The following EMB variants were observed in gnomAD, a reference collection of about 807,000 sequenced individuals.
EMB encodes embigin homolog.
A neutral mutation model predicts 41.4 loss-of-function variants in EMB; 31 were observed. That is an observed-to-expected ratio of 0.75 (90% CI 0.56 to 1.01). The LOEUF (loss-of-function observed/expected upper bound fraction) is 1.01. EMB is among the 50% of genes least tolerant of loss of function. The pLI is 0.00. For synonymous variants in EMB, 137 were observed against 140.4 expected (o/e 0.98, Z 0.17); for missense variants, 379 against 388.3 (o/e 0.98, Z 0.20).
chr5:50,441,297 G>A (rs1213133697), upstream of EMB: 6 of 425,488 alleles, frequency 1.4e-5, no homozygotes, highest in Non-Finnish European at 2.4e-5. Flanking sequence ...AGGCGGAATG[G>A]GAGGGGCCCG....
chr5:50,431,415 T>C (rs1416195277), intron 1 of EMB, among the ~76,000 whole-genome samples: 1 of 152,148 alleles, frequency 6.6e-6, no homozygotes, highest in Non-Finnish European at 1.5e-5. Flanking sequence ...TAAAGGAAAT[T>C]GGCAGGAGAC....
At chr5:50,428,701 G>C (rs1338073771) in intron 1 of EMB, 4 of 985,116 alleles carry the variant, frequency 4.1e-6, no homozygotes, top group Non-Finnish European at 4.8e-6. Flanking sequence ...TGGCTGACGG[G>C]CCAGTTTGGG....
At chr5:50,408,721 C>T (rs1745286069) in intron 4 of EMB, among the ~76,000 whole-genome samples, 1 of 151,942 alleles carries the variant, frequency 6.6e-6, no homozygotes, top group Non-Finnish European at 1.5e-5. Flanking sequence ...TAGGAAAAAC[C>T]ATTAAGTAAA....
Position 50,403,293 on chromosome 5 carries a change from C to G in EMB, c.762G>C (p.Val254=). The change falls in exon 6 of 9, where the codon GTG becomes GTC. Residue 254 remains valine, a synonymous_variant. Transcript: ENST00000303221. Reference sequence around the variant, plus strand: ...GTTTGAGGGGCACCAAATAGCTCAGCACCACAAGCTCAATGTGTTCTTCAC... The same window carrying G: ...GTTTGAGGGGCACCAAATAGCTCAGGACCACAAGCTCAATGTGTTCTTCAC... ...GESEEHIELV[V]LSYLVPLKPF... is the part of the protein sequence containing the mutation. 1 of 1,612,850 alleles carries G rather than the reference C, an allele frequency of 6.2e-7. No individual in the cohort carries two copies. The highest frequency in any genetic ancestry group is 1.1e-5 in the South Asian group (1 of 91,052).
intron 2 of EMB, among the ~76,000 whole-genome samples, chr5:50,416,118 A>G (rs1215593167): frequency 2.0e-5 from 3 of 152,190 alleles, no homozygotes; most frequent in Non-Finnish European, 4.4e-5. Flanking sequence ...CATCAAAAAC[A>G]TGCAAAAAGC....
In EMB at chr5:50,411,220, T is replaced by A. The variant is rs780266097; in HGVS notation, c.360A>T (p.Gly120=). The A allele has an allele frequency of 4.3e-6, 7 of 1,611,892 alleles. No individual in the cohort carries two copies. Among genetic ancestry groups the A allele is most frequent in the African/African-American group, 2.7e-5 (2 of 74,858 alleles). ...ACCTGTATTGGGTATACAAGGTGCT[T>A]CCTGTTGCACTGACAAGATAATTAT... ...LENNYLVSAT[G]STLYTQYRFT... is the part of the protein sequence containing the mutation. Residue 120 remains glycine, a synonymous_variant, in exon 3 of 9, where the codon GGA becomes GGT. Transcript: ENST00000303221.
Position 50,403,430 on chromosome 5 carries a change from T to C in EMB, c.625A>G (p.Lys209Glu), listed in dbSNP as rs750425001. 46 of 1,612,210 alleles carry C rather than the reference T, an allele frequency of 2.9e-5. No individual in the cohort carries two copies. Among genetic ancestry groups the C allele is most frequent in the African/African-American group, 4.0e-5 (3 of 74,784 alleles). ...VKVPVGVQMN[K>E]YVINGTYANE... is the part of the protein sequence containing the mutation. ...GCATATGTTCCATTGATCACATATT[T>C]ATTCATTTGAACACCAACAGGAACC... is the stretch of plus-strand genomic sequence containing the variant. Residue 209 changes from lysine (K) to glutamate (E), a missense_variant, in exon 6 of 9, where the codon AAA becomes GAA. By Grantham distance (56) the Lys-to-Glu change is moderately conservative. Transcript: ENST00000303221.
At chr5:50,428,867 CTTTA>C (rs1192416600) in intron 1 of EMB, 5 of 288,074 alleles carry the variant, frequency 1.7e-5, no homozygotes, top group African/African-American at 2.3e-5. Flanking sequence ...TTCGAAGTTA[CTTTA>C]TTTATTTTAT....
At chr5:50,423,110 A>C (rs1190934179) in intron 2 of EMB, among the ~76,000 whole-genome samples, 1 of 152,146 alleles carries the variant, frequency 6.6e-6, no homozygotes, top group Non-Finnish European at 1.5e-5. Flanking sequence ...TTAAAAAAAA[A>C]AAAAGCTAGA....
chr5:50,437,058 C>G (rs1745815596), intron 1 of EMB, among the ~76,000 whole-genome samples: 1 of 152,082 alleles, frequency 6.6e-6, no homozygotes, highest in South Asian at 2.1e-4. Context: ...ATCGCTTGAG[C>G]CTAGGAGTTC....
chr5:50,433,617 A>T (rs1361746973), intron 1 of EMB, among the ~76,000 whole-genome samples: 2 of 152,222 alleles, frequency 1.3e-5, no homozygotes, highest in African/African-American at 4.8e-5. Context: ...GCCCCGCAGG[A>T]GACATTTGGC....
At chr5:50,437,673 A>AAG (rs1745827116) in intron 1 of EMB, among the ~76,000 whole-genome samples, 1 of 120,156 alleles carries the variant, frequency 8.3e-6, no homozygotes, top group Admixed American at 8.1e-5. Context: ...TGGACTAACA[A>AAG]TGTCAGACAT....
At chr5:50,404,939 A>G (rs933719301) in intron 5 of EMB, among the ~76,000 whole-genome samples, 3 of 151,804 alleles carry the variant, frequency 2.0e-5, no homozygotes, top group African/African-American at 4.8e-5. Context: ...ATTTCATTGT[A>G]ACATCTACAC....
In EMB at chr5:50,432,564, A is replaced by G. The variant is rs534872829; in HGVS notation, c.113-4337T>C. ...CATGATATGGTTAAAACTTAGCTTT[A>G]AAATACCTAATTACTAAGTAAAATA... On this transcript the variant is annotated intron_variant, in intron 1 of 8. Transcript: ENST00000303221. Among the ~76,000 whole-genome samples, 5 of 152,236 alleles carry G rather than the reference A, an allele frequency of 3.3e-5. No homozygotes were observed. In the South Asian group the frequency reaches 1.0e-3, roughly 32 times the overall value.
At chr5:50,428,394 C>G in intron 1 of EMB, 167 bp from the exon 2 acceptor site, 1 of 1,185,660 alleles carries the variant, frequency 8.4e-7, no homozygotes, top group Non-Finnish European at 1.1e-6. Flanking sequence ...ATATATTAGG[C>G]TATTAAATGT....
intron 2 of EMB, among the ~76,000 whole-genome samples, chr5:50,424,981 T>C (rs911890720): frequency 1.3e-5 from 2 of 152,228 alleles, no homozygotes; most frequent in Non-Finnish European, 2.9e-5. Context: ...CTATGAATGT[T>C]AGGCCTCAGT....
chr5:50,403,400 C>T lies in EMB; in HGVS notation c.655G>A (p.Glu219Lys), dbSNP rs375679309. 27 of 1,612,504 alleles carry T rather than the reference C, an allele frequency of 1.7e-5. No homozygotes were observed. The highest frequency in any genetic ancestry group is 4.0e-5 in the African/African-American group (3 of 74,896). ...KYVINGTYAN[E>K]TKLKITQLLE... ...AGTTGTGTTATCTTCAGCTTTGTTT[C>T]GTTAGCATATGTTCCATTGATCACA... Residue 219 changes from glutamate (E) to lysine (K), a missense_variant, in exon 6 of 9, where the codon GAA (glutamate) becomes AAA (lysine). Coordinates refer to ENST00000303221, the MANE Select transcript of EMB (RefSeq NM_198449.3).
chr5:50,403,155 A>G, intron 6 of EMB, 23 bp downstream of exon 6: 1 of 1,560,380 alleles, frequency 6.4e-7, no homozygotes, highest in Non-Finnish European at 8.6e-7. Flanking sequence ...AAAAAAACAA[A>G]AAACAAAAAA....
intron 5 of EMB, 121 bp from the exon 6 acceptor site, chr5:50,403,575 T>G: frequency 8.8e-7 from 1 of 1,131,012 alleles, no homozygotes; most frequent in Non-Finnish European, 1.2e-6. Flanking sequence ...AAAGGCATAT[T>G]AAAGTTTGTG....
Sources: allele counts gnomAD v4.1 joint callset (sites outside exome capture counted in the v4.1 genomes callset), GRCh38; gene constraint gnomAD v4.1.1; transcripts MANE v1.5; gene names NCBI Gene and HGNC (gene_info 2026-07-23, HGNC 2026-07-21).